ANKS1B: variants seen among roughly 807,000 people sequenced by gnomAD.
ANKS1B encodes ankyrin repeat and sterile alpha motif domain containing 1B.
ANKS1B carries 36 observed loss-of-function variants against 148.3 expected under a neutral mutation model. That is an observed-to-expected ratio of 0.24 (90% CI 0.19 to 0.32). The LOEUF is 0.32. Ranked by LOEUF, ANKS1B falls within the 10% of genes least tolerant of loss-of-function variation. ANKS1B has a pLI of 1.00. For synonymous variants in ANKS1B, 542 were observed against 560.8 expected (o/e 0.97, Z 0.47); for missense variants, 1,157 against 1,542.6 (o/e 0.75, Z 4.19).
chr12:99,181,890 A>G (rs1292209247), intron 14 of ANKS1B, among the ~76,000 whole-genome samples: 1 of 152,072 alleles, frequency 6.6e-6, no homozygotes, highest in East Asian at 1.9e-4. Context: ...TTGTACTATC[A>G]AACACCAGAT....
intron 9 of ANKS1B, among the ~76,000 whole-genome samples, chr12:99,630,448 GA>G (rs993139039): frequency 7.3e-5 from 11 of 150,232 alleles, no homozygotes; most frequent in African/African-American, 1.2e-4. Flanking sequence ...GAATAATAAA[GA>G]AAAAAAAAGA....
chr12:99,510,416 T>C (rs1260093326), intron 9 of ANKS1B, among the ~76,000 whole-genome samples: 1 of 151,792 alleles, frequency 6.6e-6, no homozygotes, highest in Non-Finnish European at 1.5e-5. Context: ...CATCAATGAG[T>C]CTAGATGAAG....
chr12:99,366,612 T>C (rs1464686958), intron 12 of ANKS1B, among the ~76,000 whole-genome samples: 1 of 152,132 alleles, frequency 6.6e-6, no homozygotes, highest in East Asian at 1.9e-4. Context: ...AGATGATCTT[T>C]AGAATAAGTG....
At chr12:99,966,844 A>AT (rs1023446964) in intron 1 of ANKS1B, among the ~76,000 whole-genome samples, 2 of 152,172 alleles carry the variant, frequency 1.3e-5, no homozygotes, top group Non-Finnish European at 2.9e-5. Context: ...GTGGAACACA[A>AT]TTTTTTTCTG....
intron 19 of ANKS1B, among the ~76,000 whole-genome samples, chr12:98,820,871 T>G (rs1455214144): frequency 6.6e-6 from 1 of 152,106 alleles, no homozygotes; most frequent in Non-Finnish European, 1.5e-5. Context: ...ACAGAAACAG[T>G]TTTGCAAGAT....
At chr12:98,735,775 T>G (rs918126638) in intron 9 of ANKS1B, 1 of 506,112 alleles carries the variant, frequency 2.0e-6, no homozygotes, top group African/African-American at 1.9e-5. Flanking sequence ...CTTGCTCTAC[T>G]GCAGTTAAGG....
chr12:98,969,311 C>G (rs143916277), intron 17 of ANKS1B, among the ~76,000 whole-genome samples: 190 of 152,260 alleles, frequency 1.2e-3, no homozygotes, highest in African/African-American at 4.2e-3. Context: ...CATAGCCAAA[C>G]AGGATAGCAG....
intron 14 of ANKS1B, among the ~76,000 whole-genome samples, chr12:99,223,491 A>T (rs1288443834): frequency 6.6e-6 from 1 of 152,006 alleles, no homozygotes; most frequent in African/African-American, 2.4e-5. Context: ...GGAGACAGTG[A>T]CAGATCATCA....
chr12:99,743,655 T>A (rs1277706902), intron 8 of ANKS1B, among the ~76,000 whole-genome samples: 1 of 152,202 alleles, frequency 6.6e-6, no homozygotes, highest in Non-Finnish European at 1.5e-5. Context: ...TCTATTCCTG[T>A]GGGACTGTGA....
chr12:99,935,154 C>T (rs751827564), intron 1 of ANKS1B, among the ~76,000 whole-genome samples: 1 of 151,964 alleles, frequency 6.6e-6, no homozygotes, highest in Non-Finnish European at 1.5e-5. Context: ...ATCCTATTCA[C>T]CTACAGAAGC....
intron 12 of ANKS1B, among the ~76,000 whole-genome samples, chr12:99,270,749 CA>C (rs2076950868): frequency 6.6e-6 from 1 of 152,202 alleles, no homozygotes. Flanking sequence ...CTCCATTACA[CA>C]AAGCTCTTCA....
intron 4 of ANKS1B, among the ~76,000 whole-genome samples, chr12:99,803,601 G>A (rs1357122681): frequency 3.3e-5 from 5 of 152,158 alleles, no homozygotes; most frequent in Admixed American, 6.5e-5. Context: ...TAAATGTGGT[G>A]AGGACCAAGC....
At chr12:99,740,652 G>A (rs1050175818) in intron 8 of ANKS1B, among the ~76,000 whole-genome samples, 2 of 152,194 alleles carry the variant, frequency 1.3e-5, no homozygotes, top group Non-Finnish European at 2.9e-5. Context: ...CTCCCAGTGA[G>A]ATCAATGCAG....
intron 26 of ANKS1B, among the ~76,000 whole-genome samples, chr12:98,747,169 C>T (rs2097913193): frequency 6.6e-6 from 1 of 152,142 alleles, no homozygotes; most frequent in African/African-American, 2.4e-5. Context: ...AAGTATCCAT[C>T]TGACAAGGGA....
In ANKS1B at chr12:99,085,019, C is replaced by A; in HGVS notation, c.2531G>T (p.Ser844Ile). ...NGFDNVQFMG[S>I]NVMEDQDLLE... is the part of the protein sequence containing the mutation. Reference sequence around the variant, plus strand: ...CAAATCCTGATCTTCCATAACATTGCTTCCCTGAAACAAAACAGAAATGTT... The same window carrying A: ...CAAATCCTGATCTTCCATAACATTGATTCCCTGAAACAAAACAGAAATGTT... Residue 844 changes from serine (S) to isoleucine (I), a missense_variant, in exon 16 of 27, where the codon AGC becomes ATC. This residue lies in a region of ANKS1B where 258 missense variants were observed against 497.0 expected (regional missense o/e 0.52). Transcript: ENST00000683438. 6.2e-7 allele frequency: 1 copy of A among 1,604,464 alleles called. No homozygotes were observed. The highest frequency in any genetic ancestry group is 8.5e-7 in the Non-Finnish European group (1 of 1,174,694).
At position 99,041,047 on chromosome 12, in the gene ANKS1B, G is replaced by T. The variant is rs149711903; in HGVS notation, c.2778+12110C>A. Among the ~76,000 whole-genome samples, 72 of 152,302 alleles carry T rather than the reference G, an allele frequency of 4.7e-4. No individual in the cohort carries two copies. In the East Asian group the frequency reaches 0.012, roughly 25 times the overall value. On this transcript the variant is annotated intron_variant, in intron 17 of 26. Coordinates refer to ENST00000683438, the MANE Select transcript of ANKS1B (RefSeq NM_001352186.2). ...GCCTGGACCTCAGGGATAAAGACCTGTACTTGGCAGCCATCTACTTTGAGT... is the reference window on the plus strand; with the variant it reads ...GCCTGGACCTCAGGGATAAAGACCTTTACTTGGCAGCCATCTACTTTGAGT...
intron 1 of ANKS1B, among the ~76,000 whole-genome samples, chr12:99,952,390 A>T (rs2095242368): frequency 6.6e-6 from 1 of 152,166 alleles, no homozygotes; most frequent in Non-Finnish European, 1.5e-5. Flanking sequence ...AACTTCTAAA[A>T]TTTTTTATGT....
At chr12:98,773,260 C>A (rs984188272) in intron 24 of ANKS1B, 81 bp from the exon 25 acceptor site, 5 of 1,477,452 alleles carry the variant, frequency 3.4e-6, no homozygotes, top group Non-Finnish European at 9.0e-7. Flanking sequence ...ACCCAGGAAG[C>A]AGTTGCTTTC....
intron 8 of ANKS1B, among the ~76,000 whole-genome samples, chr12:99,686,435 C>T (rs2098649778): frequency 6.6e-6 from 1 of 152,144 alleles, no homozygotes; most frequent in African/African-American, 2.4e-5. Flanking sequence ...CCATGTTGAA[C>T]CAATAAAAGC....
Sources: gnomAD v4.1 joint callset for allele counts (sites outside exome capture counted in the v4.1 genomes callset) on GRCh38, gnomAD v4.1.1 for gene constraint, gnomAD v4.1.1 regional missense constraint, MANE v1.5 for transcripts, NCBI Gene and HGNC (gene_info 2026-07-23, HGNC 2026-07-21) for gene names.